Variants in STK3 observed in about 807,000 individuals in gnomAD.
STK3 encodes the protein serine/threonine-protein kinase 3.
Under a neutral mutation model 58.0 loss-of-function variants are expected in STK3, and 41 were observed. That is an observed-to-expected ratio of 0.71 (90% confidence interval 0.55 to 0.92). The LOEUF is 0.92. Among genes scored for constraint, STK3 ranks in the 40% least tolerant of loss-of-function variants. STK3 has a pLI of 0.00. For missense variants in STK3, 479 were observed against 602.7 expected (o/e 0.79, Z 2.15); for synonymous variants, 170 against 191.0 (o/e 0.89, Z 0.91).
intron 8 of STK3, among the ~76,000 whole-genome samples, chr8:98,569,988 C>A (rs1463723861): frequency 1.4e-5 from 2 of 144,276 alleles, no homozygotes; most frequent in African/African-American, 5.1e-5. Context: ...CATATCTATA[C>A]TTATATTTAG....
intron 6 of STK3, among the ~76,000 whole-genome samples, chr8:98,675,727 G>C (rs1402363866): frequency 1.3e-5 from 2 of 152,104 alleles, no homozygotes; most frequent in Non-Finnish European, 2.9e-5. Flanking sequence ...GCCAGACGTG[G>C]TGGCGGGCAG....
intron 4 of STK3, among the ~76,000 whole-genome samples, chr8:98,728,056 C>G (rs529206208): frequency 6.6e-6 from 1 of 152,182 alleles, no homozygotes; most frequent in Admixed American, 6.5e-5. Context: ...TCTTAACAAC[C>G]AAAATTTCTC....
chr8:98,906,236 C>T (rs1838894119), intron 1 of STK3: 1 of 152,616 alleles, frequency 6.6e-6, no homozygotes, highest in East Asian at 1.9e-4. Context: ...TCTATAAAAT[C>T]TAGAGTTATG....
intron 1 of STK3, among the ~76,000 whole-genome samples, chr8:98,788,958 C>T (rs1325648662): frequency 6.6e-6 from 1 of 152,182 alleles, no homozygotes; most frequent in Admixed American, 6.5e-5. Flanking sequence ...GCAGAATATA[C>T]ATTCTATTCA....
At chr8:98,404,019 C>A (rs1297420631) in intron 3 of STK3, among the ~76,000 whole-genome samples, 1 of 152,168 alleles carries the variant, frequency 6.6e-6, no homozygotes, top group Non-Finnish European at 1.5e-5. Flanking sequence ...CAGGTCAAAC[C>A]CCCACAAATG....
chr8:98,675,421 G>A (rs1394330917), intron 6 of STK3, among the ~76,000 whole-genome samples: 1 of 152,122 alleles, frequency 6.6e-6, no homozygotes, highest in Non-Finnish European at 1.5e-5. Context: ...CAAATATTAT[G>A]CATTTTATAT....
chr8:98,577,670 A>G lies in STK3; in HGVS notation c.948+1994T>C, dbSNP rs150956649. On this transcript the variant is annotated intron_variant, in intron 8 of 10. Transcript: ENST00000419617. ...ATCCTCCAGCCCTTGTCAAGCCTTC[A>G]GATGACTGCAGCTCTGATGAACACT... Among the ~76,000 whole-genome samples, 5 of 152,272 alleles carry G rather than the reference A, an allele frequency of 3.3e-5. No homozygotes were observed. In the East Asian group the frequency reaches 7.7e-4, roughly 24 times the overall value.
chr8:98,873,181 T>G (rs1479906260), intron 3 of STK3, among the ~76,000 whole-genome samples: 1 of 152,246 alleles, frequency 6.6e-6, no homozygotes, highest in Non-Finnish European at 1.5e-5. Context: ...AGTTCTAGTT[T>G]GATTGCACTG....
intron 1 of STK3, among the ~76,000 whole-genome samples, chr8:98,910,487 A>G (rs1035637547): frequency 6.6e-6 from 1 of 152,236 alleles, no homozygotes; most frequent in Non-Finnish European, 1.5e-5. Flanking sequence ...GTTATTCAAA[A>G]CAAAATATTG....
chr8:98,883,979 G>T lies in STK3; in HGVS notation c.-78-145C>A, dbSNP rs111935370. The stretch of plus-strand genomic sequence containing the variant: ...AGGAAGCAATTAAGGGAGTCATCCT[G>T]AGAAGAGCAGGAGTTCTCCCAAGGT... On this transcript the variant is annotated intron_variant, in intron 1 of 1. Coordinates refer to the STK3 transcript ENST00000519420. The T allele has an allele frequency of 5.4e-4, 256 of 471,104 alleles. 1 individual carries two copies. The highest frequency in any genetic ancestry group is 4.5e-3 in the African/African-American group (236 of 52,022). 29.2% of individuals were successfully genotyped at this position (471,104 alleles called of 1,614,324 possible).
At position 98,721,108 on chromosome 8, in the gene STK3, A is replaced by G. The variant is rs1053257999; in HGVS notation, c.352-13797T>C. The G allele has an allele frequency of 1.0e-5, 10 of 985,252 alleles. No homozygotes were observed. The African/African-American group carries it at 1.6e-4, about 15-fold the overall frequency. 61.0% of individuals were successfully genotyped at this position (985,252 alleles called of 1,614,324 possible). On this transcript the variant is annotated intron_variant, in intron 4 of 10. Coordinates refer to ENST00000419617, the MANE Select transcript of STK3 (RefSeq NM_006281.4). Reference sequence around the variant, plus strand: ...AATTTTTTTGATTCCTTTCACCCTGAGTACATTAATGGGTGGCTTTATGAG... The same window carrying G: ...AATTTTTTTGATTCCTTTCACCCTGGGTACATTAATGGGTGGCTTTATGAG...
At chr8:98,877,746 G>A (rs1003014316) in intron 3 of STK3, among the ~76,000 whole-genome samples, 1 of 151,946 alleles carries the variant, frequency 6.6e-6, no homozygotes, top group Non-Finnish European at 1.5e-5. Flanking sequence ...GCCTCCCAAA[G>A]TGTTGGGATT....
At chr8:98,347,290 G>T in the STK3 span, among the ~76,000 whole-genome samples, 1 of 151,824 alleles carries the variant, frequency 6.6e-6, no homozygotes, top group Admixed American at 6.5e-5. Flanking sequence ...CGAGGCGGGC[G>T]GATCACGAGG....
chr8:98,380,590 G>T (rs1201816416), intron 1 of STK3, among the ~76,000 whole-genome samples: 1 of 152,122 alleles, frequency 6.6e-6, no homozygotes, highest in Non-Finnish European at 1.5e-5. Context: ...TTGTATTCAA[G>T]TTGGCCTCCA....
At chr8:98,718,645 T>C (rs1827193549) in intron 4 of STK3, among the ~76,000 whole-genome samples, 1 of 152,192 alleles carries the variant, frequency 6.6e-6, no homozygotes, top group Non-Finnish European at 1.5e-5. Flanking sequence ...ATGCAAGCTA[T>C]TTTGTTAAAA....
intron 6 of STK3, among the ~76,000 whole-genome samples, chr8:98,698,828 G>A (rs1223150699): frequency 4.6e-5 from 7 of 151,878 alleles, no homozygotes; most frequent in African/African-American, 1.7e-4. Flanking sequence ...TGGTGAATCT[G>A]ACAATTATGT....
intron 6 of STK3, among the ~76,000 whole-genome samples, chr8:98,645,786 T>TTATA (rs560352210): frequency 1.3e-5 from 2 of 151,476 alleles, no homozygotes; most frequent in Non-Finnish European, 2.9e-5. Context: ...ACTTTTCTAA[T>TTATA]TATATATATA....
downstream of STK3, chr8:98,883,102 G>A (rs1837858520): frequency 6.6e-6 from 1 of 152,602 alleles, no homozygotes; most frequent in Non-Finnish European, 1.5e-5. Flanking sequence ...GTTTTGTTTT[G>A]TTTTGTTTTT....
intron 3 of STK3, among the ~76,000 whole-genome samples, chr8:98,878,572 A>C (rs1189885334): frequency 1.3e-5 from 2 of 152,016 alleles, no homozygotes; most frequent in Non-Finnish European, 1.5e-5. Flanking sequence ...TAAATTAGCC[A>C]ATCGGAATTA....
Sources: gnomAD v4.1 joint callset for allele counts (sites outside exome capture counted in the v4.1 genomes callset) on GRCh38, gnomAD v4.1.1 for gene constraint, MANE v1.5 for transcripts, NCBI Gene and HGNC (gene_info 2026-07-23, HGNC 2026-07-21) for gene names.